NR1D2: variants seen among roughly 807,000 people sequenced by gnomAD.
The protein encoded by NR1D2 is nuclear receptor subfamily 1 group D member 2.
In NR1D2, 25 loss-of-function variants were observed where a neutral mutation model predicts 52.2. The observed-to-expected ratio is 0.48, with a 90% confidence interval of 0.35 to 0.67. The LOEUF is 0.67. NR1D2 is among the 30% of genes least tolerant of loss of function. The pLI, the probability that NR1D2 is intolerant of heterozygous loss-of-function variation, is 0.01. For synonymous variants in NR1D2, 259 were observed against 230.1 expected, an observed-to-expected ratio of 1.13 and a Z score of -1.14; for missense variants, 681 against 707.2, an observed-to-expected ratio of 0.96 and a Z score of 0.42.
At position 23,975,803 on chromosome 3, in the gene NR1D2, G is replaced by C. The variant is rs548869590; in HGVS notation, c.1544-1420G>C. Among the ~76,000 whole-genome samples the C allele has an allele frequency of 5.3e-5, 8 of 152,296 alleles. No individual in the cohort carries two copies. In the East Asian group the frequency reaches 9.6e-4, roughly 18 times the overall value. ...TTTTTATCATTCTTCTGCATTTAGA[G>C]TTAATCAAATTTTTCTTTTTTTGCC... On this transcript the variant is annotated intron_variant, in intron 7 of 7. Transcript: ENST00000312521.
intron 1 of NR1D2, among the ~76,000 whole-genome samples, chr3:23,953,653 CA>C (rs1372283778): frequency 2.0e-5 from 3 of 152,072 alleles, no homozygotes; most frequent in Non-Finnish European, 2.9e-5. Flanking sequence ...CTGGGAACAC[CA>C]AAACAGAAAG....
At chr3:23,966,020 TGG>T (rs1426275705) in intron 6 of NR1D2, among the ~76,000 whole-genome samples, 4 of 152,230 alleles carry the variant, frequency 2.6e-5, no homozygotes, top group Admixed American at 6.5e-5. Flanking sequence ...TGCTTGGGCT[TGG>T]GGTAGTCTCT....
chr3:23,946,122 C>T (rs1022647520), intron 1 of NR1D2: 2 of 984,914 alleles, frequency 2.0e-6, no homozygotes, highest in Non-Finnish European at 2.4e-6. Flanking sequence ...GCCGCGATTC[C>T]CTCCTCCCCC....
chr3:23,974,543 C>T (rs1202330914), intron 7 of NR1D2, among the ~76,000 whole-genome samples: 2 of 152,034 alleles, frequency 1.3e-5, no homozygotes, highest in Non-Finnish European at 2.9e-5. Flanking sequence ...GTTTTGTTCA[C>T]CGCTGATTTC....
intron 1 of NR1D2, chr3:23,946,070 C>T (rs895482688): frequency 4.1e-6 from 4 of 983,530 alleles, no homozygotes; most frequent in Non-Finnish European, 2.4e-6. Flanking sequence ...CGCAGCCTCC[C>T]GGGAGGCTCC....
rs1305539831 is a variant in NR1D2 at position 23,962,476 on chromosome 3, A to T, written c.1017A>T (p.Ala339=). Residue 339 remains alanine (A), a synonymous_variant, in exon 5 of 8, where the codon GCA becomes GCT. Transcript: ENST00000312521. Reference sequence around the variant, plus strand: ...CAAATGGTCATGCCATTTGTATTGCAAATGGACATTGTATGAACTTCTCCA... The same window carrying T: ...CAAATGGTCATGCCATTTGTATTGCTAATGGACATTGTATGAACTTCTCCA... ...HYPNGHAICI[A]NGHCMNFSNA... The T allele has an allele frequency of 6.2e-7, 1 of 1,614,218 alleles. No individual in the cohort carries two copies.
chr3:23,955,423 C>T (rs899578658), intron 2 of NR1D2, among the ~76,000 whole-genome samples: 1 of 152,058 alleles, frequency 6.6e-6, no homozygotes, highest in Non-Finnish European at 1.5e-5. Flanking sequence ...TTCCTGCTGA[C>T]AGGTCTGGAA....
At chr3:23,964,943 G>A (rs1171081531) in intron 5 of NR1D2, 34 bp from the exon 6 acceptor site, 2 of 1,388,800 alleles carry the variant, frequency 1.4e-6, no homozygotes, top group South Asian at 2.6e-5. Context: ...CCACCTCTTA[G>A]TATTTAAGAG....
rs1706312473 is a variant in NR1D2 at position 23,962,603 on chromosome 3, C to G, written c.1144C>G (p.Leu382Val). The G allele has an allele frequency of 6.3e-7, 1 of 1,593,088 alleles. No individual in the cohort carries two copies. The highest frequency in any genetic ancestry group is 8.6e-7 in the Non-Finnish European group (1 of 1,166,334). The change falls in exon 5 of 8, where the codon CTG becomes GTG. Residue 382 changes from leucine (L) to valine (V), a missense_variant and splice_region_variant. Physicochemically the swap from Leu to Val is conservative, Grantham distance 32. Around this residue, in one of 3 missense-constraint regions of NR1D2, gnomAD observed 475 missense variants for 454.5 expected, o/e 1.05. Coordinates refer to ENST00000312521, the MANE Select transcript of NR1D2 (RefSeq NM_005126.5). The stretch of plus-strand genomic sequence containing the variant: ...GTGCAACACTGGAGGAAGAATGCAT[C>G]TGGTATAGTGAAATCGATTTTTTGC... ...YLCNTGGRMH[L>V]VCPMSKSPYV... is the part of the protein sequence containing the mutation.
intron 1 of NR1D2, chr3:23,946,322 C>T: frequency 4.1e-6 from 4 of 981,578 alleles, no homozygotes; most frequent in Non-Finnish European, 4.8e-6. Flanking sequence ...TAGCTGCATA[C>T]CTTGCAGATT....
Position 23,965,251 on chromosome 3 carries a change from T to G in NR1D2, c.1332+89T>G. On this transcript the variant is annotated intron_variant, in intron 6 of 7. Coordinates refer to ENST00000312521, the MANE Select transcript of NR1D2 (RefSeq NM_005126.5). ...GTTTTAATTCTTTTTTTTTTTTTTT[T>G]TTTTTTGAGACAGAATCCTGCTCTG... is the stretch of plus-strand genomic sequence containing the variant. 1.8e-6 allele frequency: 2 copies of G among 1,102,884 alleles called. 1 individual carries two copies. The highest frequency in any genetic ancestry group is 3.3e-5 in the South Asian group (2 of 59,790). 68.3% of individuals were successfully genotyped at this position (1,102,884 alleles called of 1,614,324 possible).
Position 23,962,159 on chromosome 3 carries a change from G to C in NR1D2, c.700G>C (p.Glu234Gln). Residue 234 changes from glutamate to glutamine, a missense_variant, in exon 5 of 8, where the codon GAG (glutamate) becomes CAG (glutamine). By Grantham distance (29) the Glu-to-Gln change is conservative (BLOSUM62 2). Coordinates refer to ENST00000312521, the MANE Select transcript of NR1D2 (RefSeq NM_005126.5). ...ACAGCTGCGACCCAAGCCCCAACTG[G>C]AGCAAGAAAACATCAAAAGCTCTTC... ...QEQLRPKPQLEQENIKSSSPP... is the reference protein window; with the variant it reads ...QEQLRPKPQLQQENIKSSSPP... 1 of 1,614,116 alleles carries C rather than the reference G, an allele frequency of 6.2e-7. No individual in the cohort carries two copies. Among genetic ancestry groups the C allele is most frequent in the Middle Eastern group, 1.6e-4 (1 of 6,062 alleles).
intron 4 of NR1D2, among the ~76,000 whole-genome samples, chr3:23,960,116 A>G (rs1176908256): frequency 1.3e-5 from 2 of 152,092 alleles, no homozygotes; most frequent in South Asian, 2.1e-4. Flanking sequence ...GTTTAAAAAC[A>G]TTTTTTATAT....
intron 1 of NR1D2, among the ~76,000 whole-genome samples, chr3:23,947,028 AT>A (rs953025068): frequency 3.3e-5 from 5 of 152,146 alleles, no homozygotes; most frequent in African/African-American, 9.6e-5. Context: ...GAATTTACTT[AT>A]TTTTTTTAAC....
In NR1D2 at chr3:23,968,139, G is replaced by T; in HGVS notation, c.1543+116G>T. 3 of 744,302 alleles carry T rather than the reference G, an allele frequency of 4.0e-6. No individual in the cohort carries two copies. In the East Asian group the frequency reaches 7.7e-5, roughly 19 times the overall value. 46.1% of individuals were successfully genotyped at this position (744,302 alleles called of 1,614,324 possible). A position where few individuals can be genotyped will look rare whatever the true frequency, so the allele number is the denominator to read the frequency against. ...ATAGAGGGAATAAGGCCTTAAGGAA[G>T]ATGCTAAATTGTATGACCCTGTTAT... On this transcript the variant is annotated intron_variant, in intron 7 of 7. Transcript: ENST00000312521.
chr3:23,967,290 T>C (rs1429199479), intron 6 of NR1D2, among the ~76,000 whole-genome samples: 1 of 151,734 alleles, frequency 6.6e-6, no homozygotes, highest in Admixed American at 6.6e-5. Context: ...GCCACTGCAC[T>C]CCAGCCTGGG....
At position 23,956,076 on chromosome 3, in the gene NR1D2, A is replaced by T; in HGVS notation, c.323A>T (p.Asp108Val). 6.2e-7 allele frequency: 1 copy of T among 1,614,000 alleles called. No homozygotes were observed. Among genetic ancestry groups the T allele is most frequent in the Non-Finnish European group, 8.5e-7 (1 of 1,179,952 alleles). ...GTTCTACTGTGTAAAGTCTGTGGGG[A>T]TGTGGCGTCAGGATTCCACTATGGA... The part of the protein sequence containing the change: ...GMVLLCKVCG[D>V]VASGFHYGVH... The change falls in exon 3 of 8, where the codon GAT becomes GTT. Residue 108 changes from aspartate (D) to valine (V), a missense_variant. Around this residue, in one of 3 missense-constraint regions of NR1D2, gnomAD observed 112 missense variants for 162.3 expected, o/e 0.69. Transcript: ENST00000312521.
intron 1 of NR1D2, among the ~76,000 whole-genome samples, chr3:23,950,902 CTTTTTT>C (rs1181448290): frequency 8.1e-6 from 1 of 123,106 alleles, no homozygotes; most frequent in African/African-American, 3.3e-5. Context: ...CTTTCTTTTT[CTTTTTT>C]TTTTTTTTTT....
chr3:23,946,503 C>T (rs1705717810), intron 1 of NR1D2: 1 of 161,626 alleles, frequency 6.2e-6, no homozygotes. Context: ...CGTCTGTTTA[C>T]AAAAAAAACC....
Sources: allele counts gnomAD v4.1 joint callset (sites outside exome capture counted in the v4.1 genomes callset), GRCh38; gene constraint gnomAD v4.1.1; regional missense constraint gnomAD v4.1.1; transcripts MANE v1.5; gene names NCBI Gene and HGNC (gene_info 2026-07-23, HGNC 2026-07-21).